Variants in NIPSNAP2 observed in about 807,000 individuals in gnomAD.
NIPSNAP2 encodes the protein nipsnap homolog 2.
Under a neutral mutation model 48.4 loss-of-function variants are expected in NIPSNAP2, and 42 were observed. The observed-to-expected ratio is 0.87, with a 90% confidence interval of 0.68 to 1.12. The LOEUF is 1.12. Among genes scored for constraint, NIPSNAP2 ranks in the 50% most tolerant of loss-of-function variants. NIPSNAP2 has a pLI of 0.00. For missense variants in NIPSNAP2, 314 were observed against 347.3 expected, an observed-to-expected ratio of 0.90 and a Z score of 0.76; for synonymous variants, 158 against 126.6, an observed-to-expected ratio of 1.25 and a Z score of -1.67.
intron 7 of NIPSNAP2, among the ~76,000 whole-genome samples, chr7:55,990,507 A>G (rs13238083): frequency 0.026 from 3,941 of 152,244 alleles, 83 homozygotes; most frequent in African/African-American, 0.052. Flanking sequence ...CTGGGATTAC[A>G]GGCATGAGCC....
At chr7:55,965,824 A>G (rs1786881954) in intron 1 of NIPSNAP2, among the ~76,000 whole-genome samples, 1 of 152,082 alleles carries the variant, frequency 6.6e-6, no homozygotes, top group South Asian at 2.1e-4. Flanking sequence ...CAGGTGATCC[A>G]CCTGCCGCGG....
intron 9 of NIPSNAP2, among the ~76,000 whole-genome samples, chr7:55,997,668 G>A (rs924265243): frequency 6.6e-6 from 1 of 152,040 alleles, no homozygotes; most frequent in African/African-American, 2.4e-5. Flanking sequence ...TATATCATCT[G>A]TTACAGTTTT....
At chr7:55,987,088 G>T (rs953897888) in intron 7 of NIPSNAP2, among the ~76,000 whole-genome samples, 1 of 151,700 alleles carries the variant, frequency 6.6e-6, no homozygotes, top group African/African-American at 2.4e-5. Context: ...GCTTGAGCCT[G>T]GGGAGGTGGA....
At chr7:55,976,867 C>G (rs1377961188) in intron 1 of NIPSNAP2, among the ~76,000 whole-genome samples, 4 of 152,046 alleles carry the variant, frequency 2.6e-5, no homozygotes, top group Admixed American at 2.6e-4. Context: ...CACACACCAG[C>G]CTGGGTGACA....
Position 55,991,765 on chromosome 7 carries a change from A to AATAT in NIPSNAP2, c.618-3115_618-3112dup, listed in dbSNP as rs1554344167. 2.1e-3 allele frequency: 319 copies of AATAT among 150,042 alleles called. 3 individuals carry two copies. The highest frequency in any genetic ancestry group is 0.012 in the South Asian group (73 of 6,196). 9.3% of individuals were successfully genotyped at this position (150,042 alleles called of 1,614,324 possible). On this transcript the variant is annotated intron_variant, in intron 7 of 9. Coordinates refer to ENST00000322090, the MANE Select transcript of NIPSNAP2 (RefSeq NM_001483.3). The stretch of plus-strand genomic sequence containing the variant: ...CTCTGTCTCAAAAAAAAAAAAAAAA[A>AATAT]ATATATATATATATATAATTTATAA...
At chr7:55,966,478 T>C (rs533902354) in intron 1 of NIPSNAP2, among the ~76,000 whole-genome samples, 30 of 152,078 alleles carry the variant, frequency 2.0e-4, no homozygotes, top group African/African-American at 6.7e-4. Context: ...ATTTGTATAA[T>C]GAAACTTTTT....
At chr7:55,997,500 A>C (rs768609229) in intron 9 of NIPSNAP2, 51 bp downstream of exon 9, 1 of 1,385,218 alleles carries the variant, frequency 7.2e-7, no homozygotes. Context: ...TGTTTCAATC[A>C]TGTTCTTTCA....
At chr7:55,993,730 A>G (rs1373395514) in intron 7 of NIPSNAP2, among the ~76,000 whole-genome samples, 2 of 152,102 alleles carry the variant, frequency 1.3e-5, no homozygotes, top group African/African-American at 4.8e-5. Context: ...ACAGAGGAAG[A>G]CTGTTTCAAA....
intron 5 of NIPSNAP2, 39 bp from the exon 6 acceptor site, chr7:55,983,689 T>C (rs1438658945): frequency 1.2e-6 from 2 of 1,607,222 alleles, no homozygotes; most frequent in Non-Finnish European, 1.7e-6. Context: ...TATATGTAAG[T>C]ATCAGAAGAT....
At chr7:55,987,020 CGTG>C (rs1787346187) in intron 7 of NIPSNAP2, among the ~76,000 whole-genome samples, 3 of 140,386 alleles carry the variant, frequency 2.1e-5, no homozygotes, top group South Asian at 4.6e-4. Context: ...ACTTGCCAGG[CGTG>C]GTGGTGGCAC....
rs533363180 is a variant in NIPSNAP2 at position 55,995,625 on chromosome 7, G to T, written c.712+637G>T. On this transcript the variant is annotated intron_variant, in intron 8 of 9. Coordinates refer to ENST00000322090, the MANE Select transcript of NIPSNAP2 (RefSeq NM_001483.3). ...GGCATGTGAATAAGCACAGGTGCTA[G>T]AAGGGCAGGATTGGATGGAGGAAGG... Among the ~76,000 whole-genome samples the T allele has an allele frequency of 2.0e-5, 3 of 152,314 alleles. No individual in the cohort carries two copies. In the South Asian group the frequency reaches 6.2e-4, roughly 32 times the overall value.
At position 55,978,248 on chromosome 7, in the gene NIPSNAP2, A is replaced by G. The variant is rs886200656; in HGVS notation, c.215A>G (p.Asn72Ser). 2.2e-5 allele frequency: 35 copies of G among 1,614,086 alleles called. No homozygotes were observed. Among genetic ancestry groups the G allele is most frequent in the Non-Finnish European group, 2.9e-5 (34 of 1,180,052 alleles). ...SNLLAKKETS[N>S]LYKLQFHNVK... ...CTCCTAGCCAAAAAGGAAACAAGCAATCTATACAAATTACAGTGTGAGTGA... is the reference window on the plus strand; with the variant it reads ...CTCCTAGCCAAAAAGGAAACAAGCAGTCTATACAAATTACAGTGTGAGTGA... The change falls in exon 2 of 10, where the codon AAT (asparagine) becomes AGT (serine). Residue 72 changes from asparagine (N) to serine (S), a missense_variant. Coordinates refer to ENST00000322090, the MANE Select transcript of NIPSNAP2 (RefSeq NM_001483.3).
intron 1 of NIPSNAP2, among the ~76,000 whole-genome samples, chr7:55,977,322 C>G (rs1439568524): frequency 6.6e-6 from 1 of 151,942 alleles, no homozygotes; most frequent in African/African-American, 2.4e-5. Context: ...ACCTGGGAGG[C>G]GGAGGTTGCA....
chr7:55,991,459 T>A (rs186011925), intron 7 of NIPSNAP2, among the ~76,000 whole-genome samples: 35 of 151,574 alleles, frequency 2.3e-4, no homozygotes, highest in Admixed American at 9.2e-4. Flanking sequence ...ATTTAAAAAA[T>A]TATTTGACCA....
chr7:55,980,360 T>C (rs1787188758), intron 3 of NIPSNAP2: 1 of 154,560 alleles, frequency 6.5e-6, no homozygotes, highest in African/African-American at 2.4e-5. Flanking sequence ...GTATCCCTGG[T>C]CGTATGGAGC....
intron 1 of NIPSNAP2, among the ~76,000 whole-genome samples, chr7:55,977,047 G>T (rs915045536): frequency 2.0e-5 from 3 of 151,910 alleles, no homozygotes; most frequent in African/African-American, 7.3e-5. Context: ...TGAGGTTTGT[G>T]GGGGCAGTTA....
chr7:55,981,817 G>GT (rs1787222952), intron 4 of NIPSNAP2: 1 of 411,334 alleles, frequency 2.4e-6, no homozygotes, highest in African/African-American at 2.0e-5. Flanking sequence ...CAGTTTTTTT[G>GT]TTTTTTGAGA....
chr7:55,981,421 TG>T, intron 3 of NIPSNAP2, 51 bp from the exon 4 acceptor site: 1 of 1,350,004 alleles, frequency 7.4e-7, no homozygotes, highest in Non-Finnish European at 1.1e-6. Flanking sequence ...GCTGTCCACC[TG>T]GTCAAATTTT....
chr7:55,977,353 T>C (rs754241783), intron 1 of NIPSNAP2, among the ~76,000 whole-genome samples: 9 of 152,208 alleles, frequency 5.9e-5, no homozygotes, highest in Non-Finnish European at 1.3e-4. Context: ...ATCGTGCCAC[T>C]GCACTCCAGC....
Sources: gnomAD v4.1 joint callset for allele counts (sites outside exome capture counted in the v4.1 genomes callset) on GRCh38, gnomAD v4.1.1 for gene constraint, MANE v1.5 for transcripts, NCBI Gene and HGNC (gene_info 2026-07-23, HGNC 2026-07-21) for gene names.